Variants in TMTC4 observed in about 807,000 individuals in gnomAD.
TMTC4 encodes protein O-mannosyl-transferase TMTC4.
Under a neutral mutation model 86.0 loss-of-function variants are expected in TMTC4, and 65 were observed. That is an observed-to-expected ratio of 0.76 (90% CI 0.62 to 0.93). The LOEUF (loss-of-function observed/expected upper bound fraction) is 0.93, where lower values mean the gene tolerates loss of function less well. Ranked by LOEUF, TMTC4 falls within the 40% of genes least tolerant of loss-of-function variation. The pLI, the probability that TMTC4 is intolerant of heterozygous loss-of-function variation, is 0.00. For synonymous variants in TMTC4, 379 were observed against 382.5 expected (o/e 0.99, Z 0.11); for missense variants, 866 against 948.1 (o/e 0.91, Z 1.14).
chr13:100,644,641 T>C (rs1883481537), intron 6 of TMTC4, among the ~76,000 whole-genome samples: 1 of 151,690 alleles, frequency 6.6e-6, no homozygotes, highest in South Asian at 2.1e-4. Context: ...GGGGGGAGAA[T>C]CTCTGCGTAT....
intron 1 of TMTC4, among the ~76,000 whole-genome samples, chr13:100,672,758 TG>T (rs1247150719): frequency 6.6e-6 from 1 of 152,172 alleles, no homozygotes; most frequent in Non-Finnish European, 1.5e-5. Flanking sequence ...TTCCAAAGCA[TG>T]GGGATTACAG....
chr13:100,647,591 C>T (rs1004377655), intron 6 of TMTC4, among the ~76,000 whole-genome samples: 2 of 152,164 alleles, frequency 1.3e-5, no homozygotes, highest in Non-Finnish European at 1.5e-5. Flanking sequence ...CCTAGAAAAA[C>T]GGAATTATCT....
At chr13:100,624,011 C>G (rs1880011351) in intron 15 of TMTC4, 1 of 305,122 alleles carries the variant, frequency 3.3e-6, no homozygotes, top group Non-Finnish European at 6.5e-6. Context: ...CTAGGCCAGT[C>G]ACCTACTTGT....
intron 5 of TMTC4, among the ~76,000 whole-genome samples, chr13:100,660,539 G>A (rs1027449457): frequency 3.9e-5 from 6 of 152,222 alleles, no homozygotes; most frequent in Middle Eastern, 3.4e-3. Context: ...CATTCAGGCC[G>A]CTGGCCCAGC....
At chr13:100,640,264 G>T (rs1229966713) in intron 7 of TMTC4, among the ~76,000 whole-genome samples, 2 of 151,826 alleles carry the variant, frequency 1.3e-5, no homozygotes, top group Non-Finnish European at 2.9e-5. Flanking sequence ...TGGAGACCAG[G>T]GACGCCACTA....
chr13:100,632,090 C>CTCAA, intron 12 of TMTC4, among the ~76,000 whole-genome samples: 1 of 146,392 alleles, frequency 6.8e-6, no homozygotes, highest in African/African-American at 2.6e-5. Context: ...CTCTCTCTCT[C>CTCAA]TCTGTCTTTC....
At chr13:100,635,263 C>T in intron 10 of TMTC4, 68 bp from the exon 11 acceptor site, 1 of 1,420,330 alleles carries the variant, frequency 7.0e-7, no homozygotes, top group South Asian at 1.5e-5. Flanking sequence ...TCCTACTCCA[C>T]ATTAAATTAA....
chr13:100,615,762 T>C (rs1045325105), intron 15 of TMTC4, among the ~76,000 whole-genome samples: 1 of 152,212 alleles, frequency 6.6e-6, no homozygotes, highest in African/African-American at 2.4e-5. Flanking sequence ...CTTCAACTTT[T>C]TATTTTAGAT....
rs1052464582 is a variant in TMTC4, at chr13:100,668,549, A to G, written c.219+30T>C. 6 of 1,603,246 alleles carry G rather than the reference A, an allele frequency of 3.7e-6. No individual in the cohort carries two copies. In the Admixed American group the frequency reaches 8.4e-5, roughly 22 times the overall value. Reference sequence around the variant, plus strand: ...TTACTGAGACACAGTTGGGCAGTTAAGTTTACCAGAAAAGAGTTGAGATAC... The same window carrying G: ...TTACTGAGACACAGTTGGGCAGTTAGGTTTACCAGAAAAGAGTTGAGATAC... On this transcript the variant is annotated intron_variant, in intron 3 of 18. Transcript: ENST00000342624.
intron 9 of TMTC4, 133 bp downstream of exon 9, chr13:100,637,405 C>A: frequency 8.1e-7 from 1 of 1,232,262 alleles, no homozygotes; most frequent in Non-Finnish European, 1.1e-6. Flanking sequence ...TGATCGCAAG[C>A]AAACATGGAG....
At chr13:100,645,226 G>A (rs559342569) in intron 6 of TMTC4, among the ~76,000 whole-genome samples, 1 of 152,216 alleles carries the variant, frequency 6.6e-6, no homozygotes, top group East Asian at 1.9e-4. Flanking sequence ...ACCCTCTCCA[G>A]CCCCTCCCAG....
At chr13:100,619,631 G>C (rs936599398) in intron 15 of TMTC4, among the ~76,000 whole-genome samples, 6 of 136,314 alleles carry the variant, frequency 4.4e-5, no homozygotes, top group African/African-American at 1.5e-4. Flanking sequence ...ATGAATTATG[G>C]AAACATTTAT....
intron 15 of TMTC4, among the ~76,000 whole-genome samples, chr13:100,615,296 C>T (rs540776036): frequency 2.2e-4 from 33 of 151,922 alleles, no homozygotes; most frequent in African/African-American, 7.7e-4. Flanking sequence ...CACCACCATG[C>T]CCGGCAAATT....
At chr13:100,654,605 A>G (rs1180295138) in intron 6 of TMTC4, among the ~76,000 whole-genome samples, 3 of 152,058 alleles carry the variant, frequency 2.0e-5, no homozygotes, top group Admixed American at 2.0e-4. Context: ...ATATTAATAT[A>G]CAAATTTGTG....
chr13:100,650,540 G>A (rs1884301392), intron 6 of TMTC4, among the ~76,000 whole-genome samples: 1 of 152,236 alleles, frequency 6.6e-6, no homozygotes, highest in African/African-American at 2.4e-5. Flanking sequence ...GTTGTGTGTG[G>A]GAACCACGCC....
chr13:100,660,491 G>C (rs1885640131), intron 5 of TMTC4, among the ~76,000 whole-genome samples: 1 of 152,088 alleles, frequency 6.6e-6, no homozygotes, highest in Non-Finnish European at 1.5e-5. Flanking sequence ...TCATCTCACA[G>C]GGATCTATGT....
Position 100,622,355 on chromosome 13 carries a change from T to G in TMTC4, c.1836+3180A>C, listed in dbSNP as rs189678537. 2.0e-5 allele frequency among the ~76,000 whole-genome samples: 3 copies of G among 152,344 alleles called. No homozygotes were observed. The East Asian group carries it at 5.8e-4, about 29-fold the overall frequency. On this transcript the variant is annotated intron_variant, in intron 15 of 18. Coordinates refer to ENST00000342624, the MANE Select transcript of TMTC4 (RefSeq NM_032813.5). ...GGCATATCATAACTGAAACATGTTT[T>G]GCATTTTTTGAGTAATAAAAATGCG...
rs35563246 is a variant in TMTC4 at position 100,656,542 on chromosome 13, C to CTTTTTTTTTTTTTTTTTTTTTTTT, written c.553-75_553-74insAAAAAAAAAAAAAAAAAAAAAAAA. The CTTTTTTTTTTTTTTTTTTTTTTTT allele has an allele frequency of 7.8e-5, 30 of 385,934 alleles. 4 individuals are homozygous for CTTTTTTTTTTTTTTTTTTTTTTTT. The highest frequency in any genetic ancestry group is 2.7e-4 in the Admixed American group (4 of 14,832). The allele number at this position is 385,934 out of a possible 1,614,324, so 23.9% of individuals were successfully genotyped here. A position where few individuals can be genotyped will look rare whatever the true frequency, so the allele number is the denominator to read the frequency against. On this transcript the variant is annotated intron_variant, in intron 5 of 18. Transcript: ENST00000342624. ...GAAATCCTAAACTTAGGAGACATAA[C>CTTTTTTTTTTTTTTTTTTTTTTTT]TTTTTTTTTTTTTTTTTTGCGACAG...
In TMTC4 at chr13:100,638,014, A is replaced by C; in HGVS notation, c.750T>G (p.Asn250Lys). 6.2e-7 allele frequency: 1 copy of C among 1,613,834 alleles called. No homozygotes were observed. Among genetic ancestry groups the C allele is most frequent in the Non-Finnish European group, 8.5e-7 (1 of 1,179,930 alleles). Residue 250 changes from asparagine (N) to lysine (K), a missense_variant, in exon 8 of 19, where the codon AAT (asparagine) becomes AAG (lysine). Asn to Lys is a moderately conservative substitution (Grantham distance 94). Coordinates refer to ENST00000342624, the MANE Select transcript of TMTC4 (RefSeq NM_032813.5). Reference protein sequence around the residue: ...KEQGITVLGLNAVFDILVIGK... With the variant: ...KEQGITVLGLKAVFDILVIGK... ...CTATCACCAAGATGTCAAATACCGC[A>C]TTTAAACCCTAAGAAAGCAAAGCAA...
Sources: gnomAD v4.1 joint callset for allele counts (sites outside exome capture counted in the v4.1 genomes callset) on GRCh38, gnomAD v4.1.1 for gene constraint, MANE v1.5 for transcripts, NCBI Gene and HGNC (gene_info 2026-07-23, HGNC 2026-07-21) for gene names.